KIF2A: variants seen among roughly 807,000 people sequenced by gnomAD.
The protein encoded by KIF2A is kinesin family member 2A, also known as kinesin-like protein KIF2A.
A neutral mutation model predicts 100.2 loss-of-function variants in KIF2A; 22 were observed. That is an observed-to-expected ratio of 0.22 (90% CI 0.16 to 0.31). The LOEUF is 0.31. KIF2A is among the 10% of genes least tolerant of loss of function. The pLI, the probability that KIF2A is intolerant of heterozygous loss-of-function variation, is 1.00. For missense variants in KIF2A, 495 were observed against 898.7 expected, an observed-to-expected ratio of 0.55 and a Z score of 5.74; for synonymous variants, 268 against 285.9, an observed-to-expected ratio of 0.94 and a Z score of 0.63.
At chr5:62,334,935 C>T (rs565397649) in intron 1 of KIF2A, among the ~76,000 whole-genome samples, 4 of 152,170 alleles carry the variant, frequency 2.6e-5, no homozygotes, top group African/African-American at 4.8e-5. Context: ...CTTCACTGGC[C>T]GATGAGTGAC....
chr5:62,366,501 A>G lies in KIF2A; in HGVS notation c.1646+20A>G, dbSNP rs1338130936. 1.4e-6 allele frequency: 2 copies of G among 1,442,614 alleles called. No individual in the cohort carries two copies. The highest frequency in any genetic ancestry group is 1.4e-5 in the African/African-American group (1 of 71,774). The allele number at this position is 1,442,614 out of a possible 1,614,324, so 89.4% of individuals were successfully genotyped here. A position where few individuals can be genotyped will look rare whatever the true frequency, so the allele number is the denominator to read the frequency against. ...AAATAGGTATGAGAGATAGTTCTCC[A>G]TTTTGAAATTTGAGGGGAGTACAGC... is the stretch of plus-strand genomic sequence containing the variant. On this transcript the variant is annotated intron_variant, in intron 16 of 20. Coordinates refer to ENST00000407818, the MANE Select transcript of KIF2A (RefSeq NM_001098511.3).
At chr5:62,338,163 A>G (rs1031607228) in intron 1 of KIF2A, among the ~76,000 whole-genome samples, 1 of 152,196 alleles carries the variant, frequency 6.6e-6, no homozygotes, top group Admixed American at 6.5e-5. Context: ...ACTATGACAC[A>G]GGTAGTATTG....
intron 1 of KIF2A, among the ~76,000 whole-genome samples, chr5:62,328,929 T>C (rs997092760): frequency 2.0e-5 from 3 of 152,204 alleles, no homozygotes; most frequent in African/African-American, 7.2e-5. Context: ...TAATTGTTAG[T>C]GTGCAGCTCA....
intron 17 of KIF2A, among the ~76,000 whole-genome samples, chr5:62,373,272 A>T (rs1741395994): frequency 6.6e-6 from 1 of 151,958 alleles, no homozygotes; most frequent in African/African-American, 2.4e-5. Context: ...TTCAGCAGTG[A>T]TCCATTTATT....
Position 62,390,902 on chromosome 5 carries a change from A to T in KIF2A, c.*5333A>T. The T allele has an allele frequency of 6.2e-7, 1 of 1,602,616 alleles. No individual in the cohort carries two copies. The highest frequency in any genetic ancestry group is 8.5e-7 in the Non-Finnish European group (1 of 1,171,956). Reference sequence around the variant, plus strand: ...TGATGAAGTCATCTATGTCCATGGAACGGGCCCGTTTGTCACTAAAACCTG... The same window carrying T: ...TGATGAAGTCATCTATGTCCATGGATCGGGCCCGTTTGTCACTAAAACCTG... On this transcript the variant is annotated 3_prime_UTR_variant, in exon 21 of 21. Transcript: ENST00000407818.
At chr5:62,321,089 AT>A (rs1746069235) in intron 1 of KIF2A, among the ~76,000 whole-genome samples, 1 of 152,224 alleles carries the variant, frequency 6.6e-6, no homozygotes, top group African/African-American at 2.4e-5. Flanking sequence ...ACTCAAGTTT[AT>A]CAGTATAGTA....
intron 1 of KIF2A, among the ~76,000 whole-genome samples, chr5:62,309,795 G>C (rs1015278687): frequency 6.6e-6 from 1 of 152,096 alleles, no homozygotes; most frequent in African/African-American, 2.4e-5. Context: ...GGGCAAACAG[G>C]TACACTAAAA....
intron 1 of KIF2A, among the ~76,000 whole-genome samples, chr5:62,315,989 C>CT (rs1269366242): frequency 6.6e-6 from 1 of 152,170 alleles, no homozygotes; most frequent in Non-Finnish European, 1.5e-5. Flanking sequence ...TTTGCAAAGT[C>CT]TGAGTATAGC....
At chr5:62,347,330 T>G in intron 2 of KIF2A, 106 bp downstream of exon 2, 1 of 636,962 alleles carries the variant, frequency 1.6e-6, no homozygotes, top group Non-Finnish European at 2.7e-6. Flanking sequence ...GCATATATTT[T>G]TATTATTCCT....
intron 1 of KIF2A, among the ~76,000 whole-genome samples, chr5:62,339,846 C>CTGTG (rs963464953): frequency 3.4e-5 from 5 of 148,654 alleles, no homozygotes; most frequent in East Asian, 2.0e-4. Context: ...GTTTAGATTT[C>CTGTG]TGTGTGTGTG....
rs942008085 is a variant in KIF2A at position 62,387,546 on chromosome 5, G to T, written c.*1977G>T. ...TATTTTAAAAATTAGTACCAGAAAA[G>T]ATACTGGAGGTAATATAATACAGTC... On this transcript the variant is annotated 3_prime_UTR_variant, in exon 21 of 21. Transcript: ENST00000407818. The T allele has an allele frequency of 4.6e-5, 7 of 152,216 alleles. No individual in the cohort carries two copies. Among genetic ancestry groups the T allele is most frequent in the African/African-American group, 1.7e-4 (7 of 41,538 alleles). 9.4% of individuals were successfully genotyped at this position (152,216 alleles called of 1,614,324 possible).
At chr5:62,318,951 C>T (rs111530991) in intron 1 of KIF2A, among the ~76,000 whole-genome samples, 2,860 of 152,294 alleles carry the variant, frequency 0.019, 27 homozygotes, top group Middle Eastern at 0.051. Flanking sequence ...TTGCTCCAGT[C>T]AGAAACTTGG....
At chr5:62,376,399 A>G (rs893005272) in intron 18 of KIF2A, among the ~76,000 whole-genome samples, 9 of 144,788 alleles carry the variant, frequency 6.2e-5, no homozygotes, top group Non-Finnish European at 1.2e-4. Context: ...GAGATCGGAG[A>G]AGTTTTTTTT....
chr5:62,366,655 C>G (rs1741083208), intron 16 of KIF2A, among the ~76,000 whole-genome samples, 174 bp downstream of exon 16: 1 of 151,992 alleles, frequency 6.6e-6, no homozygotes, highest in Admixed American at 6.6e-5. Context: ...CATGGTGAAA[C>G]CCCGTCTCTA....
At chr5:62,370,460 A>AT (rs1314302307) in intron 16 of KIF2A, among the ~76,000 whole-genome samples, 3 of 151,698 alleles carry the variant, frequency 2.0e-5, no homozygotes, top group Non-Finnish European at 2.9e-5. Context: ...CGCCCAGCTA[A>AT]TTTTTTTGTA....
intron 9 of KIF2A, among the ~76,000 whole-genome samples, chr5:62,359,754 C>T (rs1439549196): frequency 6.6e-6 from 1 of 152,032 alleles, no homozygotes; most frequent in Non-Finnish European, 1.5e-5. Context: ...AATATTTATC[C>T]TTCTCCTCTA....
In KIF2A at chr5:62,389,012, AG is replaced by A. The variant is rs1213673287; in HGVS notation, c.*3445del. ...GAAAATTTCTGTTTTCCAAATACCT[AG>A]GAAAAATGAATACCTTCTGCGTTGA... is the stretch of plus-strand genomic sequence containing the variant. On this transcript the variant is annotated 3_prime_UTR_variant, in exon 21 of 21. Coordinates refer to ENST00000407818, the MANE Select transcript of KIF2A (RefSeq NM_001098511.3). The A allele has an allele frequency of 2.5e-6, 4 of 1,609,086 alleles. No homozygotes were observed. The African/African-American group carries it at 4.0e-5, about 16-fold the overall frequency.
chr5:62,357,717 T>C lies in KIF2A; in HGVS notation c.681T>C (p.Cys227=). Residue 227 remains cysteine (C), a synonymous_variant, in exon 8 of 21, where the codon TGT becomes TGC. Coordinates refer to ENST00000407818, the MANE Select transcript of KIF2A (RefSeq NM_001098511.3). ...DPIDEHRICV[C]VRKRPLNKKE... Reference sequence around the variant, plus strand: ...TTGATGAACATAGGATATGTGTGTGTGTAAGAAAACGACCACTCAATAAAA... The same window carrying C: ...TTGATGAACATAGGATATGTGTGTGCGTAAGAAAACGACCACTCAATAAAA... The C allele has an allele frequency of 6.4e-7, 1 of 1,564,184 alleles. No individual in the cohort carries two copies. The highest frequency in any genetic ancestry group is 1.1e-5 in the South Asian group (1 of 88,666).
chr5:62,380,620 G>A (rs1001723712), intron 19 of KIF2A, among the ~76,000 whole-genome samples: 1 of 152,110 alleles, frequency 6.6e-6, no homozygotes, highest in Admixed American at 6.5e-5. Flanking sequence ...AAAAGTCTAT[G>A]AGTACATATT....
Sources: allele counts gnomAD v4.1 joint callset (sites outside exome capture counted in the v4.1 genomes callset), GRCh38; gene constraint gnomAD v4.1.1; transcripts MANE v1.5; gene names NCBI Gene and HGNC (gene_info 2026-07-23, HGNC 2026-07-21).